The following RGS3 variants were observed in gnomAD, a reference collection of about 807,000 sequenced individuals.
RGS3 encodes the protein regulator of G protein signaling 3.
RGS3 carries 80 observed loss-of-function variants against 132.6 expected under a neutral mutation model. That is an observed-to-expected ratio of 0.60 (90% confidence interval 0.50 to 0.73). The LOEUF is 0.73. Among genes scored for constraint, RGS3 ranks in the 30% least tolerant of loss-of-function variants. The pLI is 0.00. For missense variants in RGS3, 1,382 were observed against 1,530.8 expected, an observed-to-expected ratio of 0.90 and a Z score of 1.62; for synonymous variants, 598 against 620.6, an observed-to-expected ratio of 0.96 and a Z score of 0.54.
intron 6 of RGS3, 130 bp downstream of exon 4, chr9:113,484,362 A>C: frequency 1.8e-6 from 1 of 544,044 alleles, no homozygotes; most frequent in Non-Finnish European, 3.2e-6. Context: ...AAAACAAAAA[A>C]AACCAGTGCC....
At chr9:113,483,175 C>G (rs1830220682) in intron 5 of RGS3, 58 bp downstream of exon 3, 1 of 1,262,256 alleles carries the variant, frequency 7.9e-7, no homozygotes, top group African/African-American at 1.5e-5. Flanking sequence ...TTACTGGGCT[C>G]AGTCCCAAGG....
Position 113,593,970 on chromosome 9 carries a change from G to A in RGS3, c.3081-460G>A, listed in dbSNP as rs577788749. 5.0e-6 allele frequency: 8 copies of A among 1,613,016 alleles called. 1 individual carries two copies. The South Asian group carries it at 6.6e-5, about 13-fold the overall frequency. ...ATAGCTGGGACTGGCTTCCTGCCGG[G>A]GCGGCCCCAGAGGCTGTCCCTTGCA... On this transcript the variant is annotated intron_variant, in intron 21 of 24. Coordinates refer to ENST00000350696, the Ensembl canonical transcript of RGS3.
intron 18 of RGS3, among the ~76,000 whole-genome samples, chr9:113,531,382 TG>T (rs1287562769): frequency 6.6e-6 from 1 of 152,214 alleles, no homozygotes; most frequent in East Asian, 1.9e-4. Context: ...ATTTTCTGAG[TG>T]ATCTGGGGCC....
rs192089011 is a variant in RGS3 at position 113,579,081 on chromosome 9, C to G, written c.2038-4369C>G. On this transcript the variant is annotated intron_variant, in intron 19 of 24. Transcript: ENST00000350696. The surrounding 1 kb of genome is among the most constrained non-coding windows in gnomAD (Gnocchi z 4.3). ...CAGAGGCAAACCCCAGTTTACACCC[C>G]CCCAGTGCAGGAAGTGGTTTTCGAG... is the stretch of plus-strand genomic sequence containing the variant. Among the ~76,000 whole-genome samples the G allele has an allele frequency of 4.3e-3, 657 of 152,248 alleles. 11 individuals carry two copies. Among genetic ancestry groups the G allele is most frequent in the Non-Finnish European group, 3.9e-3 (265 of 68,010 alleles).
exon 23 of RGS3, chr9:113,594,965 C>T: frequency 6.2e-7 from 1 of 1,614,122 alleles, no homozygotes; most frequent in Non-Finnish European, 8.5e-7. Context: ...CTTGGAGAAG[C>T]TGCTGGTTCA....
At chr9:113,595,652 C>A (rs778894029) in exon 24 of RGS3, 2 of 1,614,192 alleles carry the variant, frequency 1.2e-6, no homozygotes, top group Non-Finnish European at 1.7e-6. Context: ...TGAGGAGAAT[C>A]TGGAGTTCTG....
At chr9:113,561,497 C>T (rs1044405083) in intron 19 of RGS3, among the ~76,000 whole-genome samples, 16 of 151,980 alleles carry the variant, frequency 1.1e-4, no homozygotes, top group African/African-American at 3.6e-4. Context: ...ATTGCAGCCT[C>T]AACCTCCTGG....
At chr9:113,483,585 A>G (rs1009278641) in intron 5 of RGS3, among the ~76,000 whole-genome samples, 6 of 152,160 alleles carry the variant, frequency 3.9e-5, no homozygotes, top group African/African-American at 1.4e-4. Context: ...TTTCAGTGAG[A>G]GCCAAAGGCC....
chr9:113,479,924 A>G (rs1413016320), intron 4 of RGS3, among the ~76,000 whole-genome samples: 1 of 152,050 alleles, frequency 6.6e-6, no homozygotes, highest in Non-Finnish European at 1.5e-5. Flanking sequence ...TCATTGGTTG[A>G]CAGGCAGCAT....
Position 113,579,992 on chromosome 9 carries a change from C to T in RGS3, c.2038-3458C>T, listed in dbSNP as rs1291027550. Reference sequence around the variant, plus strand: ...CCTCCTGCCCTAATTTTCTCCTACACTTGCCACCCTCCCACCCCTGGGTTT... The same window carrying T: ...CCTCCTGCCCTAATTTTCTCCTACATTTGCCACCCTCCCACCCCTGGGTTT... On this transcript the variant is annotated intron_variant, in intron 19 of 24. Transcript: ENST00000350696. The surrounding 1 kb of genome is among the most constrained non-coding windows in gnomAD (Gnocchi z 4.3). Among the ~76,000 whole-genome samples, 1 of 152,212 alleles carries T rather than the reference C, an allele frequency of 6.6e-6. No individual in the cohort carries two copies. Among genetic ancestry groups the T allele is most frequent in the Non-Finnish European group, 1.5e-5 (1 of 68,044 alleles).
At chr9:113,577,873 C>T (rs1834603960) in intron 19 of RGS3, among the ~76,000 whole-genome samples, 1 of 152,256 alleles carries the variant, frequency 6.6e-6, no homozygotes, top group Non-Finnish European at 1.5e-5. Context: ...GCAGTGATGA[C>T]TTGGTCAATA....
chr9:113,514,444 T>C lies in RGS3; in HGVS notation c.1478-14T>C, dbSNP rs371799034. 2.8e-5 allele frequency: 45 copies of C among 1,608,176 alleles called. No homozygotes were observed. The highest frequency in any genetic ancestry group is 3.8e-5 in the Non-Finnish European group (45 of 1,175,342). ...GACGGAAATGTCTCATAGTCCCCCA[T>C]CTCTGTTTCACAGAATCAGGGAGTC... On this transcript the variant is annotated splice_polypyrimidine_tract_variant and intron_variant, in intron 14 of 24. Coordinates refer to ENST00000350696, the Ensembl canonical transcript of RGS3.
At chr9:113,578,868 A>G (rs937503524) in intron 19 of RGS3, among the ~76,000 whole-genome samples, 24 of 152,150 alleles carry the variant, frequency 1.6e-4, no homozygotes, top group Non-Finnish European at 4.4e-5. Context: ...TGGTCCCCTT[A>G]GGTCTCTGGC....
Position 113,497,307 on chromosome 9 carries a change from G to A in RGS3, c.751-7G>A, listed in dbSNP as rs762180247. 3.7e-6 allele frequency: 6 copies of A among 1,609,956 alleles called. No individual in the cohort carries two copies. Among genetic ancestry groups the A allele is most frequent in the Non-Finnish European group, 5.1e-6 (6 of 1,176,904 alleles). ...GTCTGAGCGTGCCATTCCTTCTCTC[G>A]TGACAGGAGATCAGTGGTTGGTACT... On this transcript the variant is annotated splice_polypyrimidine_tract_variant and splice_region_variant and intron_variant, in intron 8 of 24. Transcript: ENST00000350696.
intron 3 of RGS3, among the ~76,000 whole-genome samples, chr9:113,466,063 G>C (rs1829631048): frequency 6.6e-6 from 1 of 152,156 alleles, no homozygotes; most frequent in African/African-American, 2.4e-5. Flanking sequence ...CAGATTCCTA[G>C]AATCTTCTTC....
rs571052978 is a variant in RGS3 at position 113,579,453 on chromosome 9, A to T, written c.2038-3997A>T. 2.6e-4 allele frequency among the ~76,000 whole-genome samples: 40 copies of T among 152,294 alleles called. No homozygotes were observed. The highest frequency in any genetic ancestry group is 9.1e-4 in the African/African-American group (38 of 41,556). On this transcript the variant is annotated intron_variant, in intron 19 of 24. Coordinates refer to ENST00000350696, the Ensembl canonical transcript of RGS3. This position sits in a 1 kb window ranked among gnomAD's most constrained non-coding sequence, Gnocchi z 4.3. ...CCTGTGTGCTTACAGCAGATGAGACATGGGCAGAATTAACCTGGTCCAGCC... is the reference window on the plus strand; with the variant it reads ...CCTGTGTGCTTACAGCAGATGAGACTTGGGCAGAATTAACCTGGTCCAGCC...
chr9:113,559,918 G>A (rs1468546885), intron 19 of RGS3, among the ~76,000 whole-genome samples: 1 of 152,190 alleles, frequency 6.6e-6, no homozygotes, highest in Non-Finnish European at 1.5e-5. Flanking sequence ...TGACATCATA[G>A]CAATAACAAT....
chr9:113,498,195 A>G, intron 10 of RGS3, 115 bp downstream of exon 8: 1 of 809,042 alleles, frequency 1.2e-6, no homozygotes, highest in Non-Finnish European at 2.1e-6. Context: ...TCAGCAAGTC[A>G]TGTACTCAGA....
At chr9:113,595,628 C>T (rs748395894) in exon 24 of RGS3, 43 of 1,614,058 alleles carry the variant, frequency 2.7e-5, no homozygotes, top group South Asian at 3.3e-5. Flanking sequence ...AGCCTTCCTT[C>T]GCACTGAGTT....
Sources: gnomAD v4.1 joint callset for allele counts (sites outside exome capture counted in the v4.1 genomes callset) on GRCh38, gnomAD v4.1.1 for gene constraint, Gnocchi (gnomAD v3.1) non-coding constraint, MANE v1.5 for transcripts, NCBI Gene and HGNC (gene_info 2026-07-23, HGNC 2026-07-21) for gene names.